The following GRIN2B variants were observed in gnomAD, a reference collection of about 807,000 sequenced individuals.
The protein encoded by GRIN2B is glutamate ionotropic receptor NMDA type subunit 2B.
Under a neutral mutation model 114.5 loss-of-function variants are expected in GRIN2B, and 5 were observed. That is an observed-to-expected ratio of 0.04 (90% CI 0.02 to 0.09). The LOEUF is 0.09. Among genes scored for constraint, GRIN2B ranks in the 10% least tolerant of loss-of-function variants. The probability of loss-of-function intolerance (pLI) is 1.00; values close to 1 mark genes in which losing one functional copy is unlikely to be tolerated. For synonymous variants in GRIN2B, 787 were observed against 745.1 expected, an observed-to-expected ratio of 1.06 and a Z score of -0.92; for missense variants, 1,108 against 1,943.5, an observed-to-expected ratio of 0.57 and a Z score of 8.08.
In GRIN2B at chr12:13,563,677, G is replaced by C. The variant is rs1300574984; in HGVS notation, c.3561C>G (p.His1187Gln). The C allele has an allele frequency of 6.2e-7, 1 of 1,613,542 alleles. No homozygotes were observed. Among genetic ancestry groups the C allele is most frequent in the Admixed American group, 1.7e-5 (1 of 60,030 alleles). Residue 1187 changes from histidine (H) to glutamine (Q), a missense_variant, in exon 14 of 14, where the codon CAC (histidine) becomes CAG (glutamine). Physicochemically the swap from His to Gln is conservative, Grantham distance 24 (BLOSUM62 0). Around this residue, in one of 19 missense-constraint regions of GRIN2B, gnomAD observed 478 missense variants for 506.0 expected, o/e 0.94. Transcript: ENST00000609686. ...SHIKHGTGDKHGVVSGVPAPW... is the reference protein window; with the variant it reads ...SHIKHGTGDKQGVVSGVPAPW... ...GTGCAGGTACCCCGCTGACCACGCCGTGTTTGTCGCCCGTCCCGTGCTTGA... is the reference window on the plus strand; with the variant it reads ...GTGCAGGTACCCCGCTGACCACGCCCTGTTTGTCGCCCGTCCCGTGCTTGA...
rs55893904 is a variant in GRIN2B at position 13,825,496 on chromosome 12, TTGTGTG to T, written c.411+40296_411+40301del. On this transcript the variant is annotated intron_variant, in intron 3 of 13. Transcript: ENST00000609686. ...TATATATAATAAATATATATATATT[TTGTGTG>T]TGTGTGTGTGTGTGTGTGTGTGTGT... 1.5e-4 allele frequency among the ~76,000 whole-genome samples: 18 copies of T among 122,968 alleles called. 1 individual carries two copies. Among genetic ancestry groups the T allele is most frequent in the African/African-American group, 3.4e-4 (11 of 32,094 alleles). 80.7% of individuals were successfully genotyped at this position (122,968 alleles called of 152,430 possible). A position where few individuals can be genotyped will look rare whatever the true frequency, so the allele number is the denominator to read the frequency against.
chr12:13,741,734 G>T (rs905009283), intron 4 of GRIN2B, among the ~76,000 whole-genome samples: 4 of 151,956 alleles, frequency 2.6e-5, no homozygotes, highest in Middle Eastern at 3.2e-3. Context: ...TAATATTTCT[G>T]TATTTTATAA....
intron 4 of GRIN2B, among the ~76,000 whole-genome samples, chr12:13,715,095 G>A (rs146293176): frequency 6.6e-6 from 1 of 151,774 alleles, no homozygotes; most frequent in Non-Finnish European, 1.5e-5. Flanking sequence ...TGGTGGTGGT[G>A]ATAGTTATGA....
Position 13,562,546 on chromosome 12 carries a change from A to C in GRIN2B, c.*237T>G. ...GGGCCCATGGCATCATCTCATGGGA[A>C]CAGGAATGGCTGACAGCGGGGGGAA... On this transcript the variant is annotated 3_prime_UTR_variant, in exon 14 of 14. Coordinates refer to ENST00000609686, the MANE Select transcript of GRIN2B (RefSeq NM_000834.5). The C allele has an allele frequency of 5.5e-6, 3 of 541,276 alleles. No homozygotes were observed. The highest frequency in any genetic ancestry group is 1.0e-5 in the Non-Finnish European group (3 of 300,810). 33.5% of individuals were successfully genotyped at this position (541,276 alleles called of 1,614,324 possible).
chr12:13,553,531 C>T lies in GRIN2B; in HGVS notation c.*9252G>A, dbSNP rs1948442523. 1 of 152,214 alleles carries T rather than the reference C, an allele frequency of 6.6e-6. No homozygotes were observed. Among genetic ancestry groups the T allele is most frequent in the Admixed American group, 6.5e-5 (1 of 15,276 alleles). The allele number at this position is 152,214 out of a possible 1,614,324, so 9.4% of individuals were successfully genotyped here. A position where few individuals can be genotyped will look rare whatever the true frequency, so the allele number is the denominator to read the frequency against. On this transcript the variant is annotated 3_prime_UTR_variant, in exon 14 of 14. Coordinates refer to ENST00000609686, the MANE Select transcript of GRIN2B (RefSeq NM_000834.5). ...TATAAAGACAAGGTGGTGACCAGCA[C>T]AGACAGTTCCCCCAAGGCCACAAAT...
chr12:13,721,732 G>A (rs1354387982), intron 4 of GRIN2B, among the ~76,000 whole-genome samples: 1 of 152,056 alleles, frequency 6.6e-6, no homozygotes, highest in Admixed American at 6.6e-5. Context: ...ATGTGTACCT[G>A]AGAGTCATTA....
chr12:13,860,881 T>C (rs1260276307), intron 3 of GRIN2B, among the ~76,000 whole-genome samples: 1 of 152,136 alleles, frequency 6.6e-6, no homozygotes, highest in Non-Finnish European at 1.5e-5. Flanking sequence ...CCTTTCTATT[T>C]TCCTTCCTAC....
intron 5 of GRIN2B, among the ~76,000 whole-genome samples, chr12:13,658,982 G>T (rs548022059): frequency 6.6e-6 from 1 of 152,150 alleles, no homozygotes; most frequent in Admixed American, 6.5e-5. Flanking sequence ...CCACCCAGAG[G>T]CATGTCCTGT....
At chr12:13,634,560 T>G (rs1949649313) in intron 5 of GRIN2B, among the ~76,000 whole-genome samples, 1 of 152,114 alleles carries the variant, frequency 6.6e-6, no homozygotes, top group African/African-American at 2.4e-5. Flanking sequence ...AGGGGAGGGT[T>G]TTATGGGCTA....
At chr12:13,829,377 A>G (rs909745122) in intron 3 of GRIN2B, among the ~76,000 whole-genome samples, 1 of 152,220 alleles carries the variant, frequency 6.6e-6, no homozygotes. Context: ...TAGGTACTCA[A>G]TATGTGTTGA....
intron 5 of GRIN2B, among the ~76,000 whole-genome samples, chr12:13,665,885 G>A (rs967591732): frequency 2.6e-5 from 4 of 152,142 alleles, no homozygotes; most frequent in Non-Finnish European, 5.9e-5. Flanking sequence ...AGAGAATGCT[G>A]AGGTGCCTTA....
At chr12:13,652,511 C>T (rs1565489453) in intron 5 of GRIN2B, among the ~76,000 whole-genome samples, 1 of 151,810 alleles carries the variant, frequency 6.6e-6, no homozygotes, top group East Asian at 2.0e-4. Flanking sequence ...ATTGGCCCTT[C>T]TAGACAAAGC....
At chr12:13,669,036 TAGGGAGG>T in intron 5 of GRIN2B, among the ~76,000 whole-genome samples, 1 of 144,576 alleles carries the variant, frequency 6.9e-6, no homozygotes, top group South Asian at 2.4e-4. Flanking sequence ...GGTGGGGAGA[TAGGGAGG>T]ATAAGCCATT....
intron 2 of GRIN2B, among the ~76,000 whole-genome samples, chr12:13,921,004 G>A (rs1038772507): frequency 6.6e-5 from 10 of 152,128 alleles, no homozygotes; most frequent in African/African-American, 1.7e-4. Context: ...AGCACAGTAC[G>A]TATTCTTGAG....
rs576555287 is a variant in GRIN2B at position 13,958,850 on chromosome 12, G to A, written c.-19+21078C>T. ...GTCACCCATAAAATATGCCCTTGAA[G>A]TCCCGCCTTGGCTTTGAGAGAGGGG... On this transcript the variant is annotated intron_variant, in intron 2 of 13. Transcript: ENST00000609686. 2.6e-5 allele frequency among the ~76,000 whole-genome samples: 4 copies of A among 152,198 alleles called. No individual in the cohort carries two copies. In the South Asian group the frequency reaches 8.3e-4, roughly 32 times the overall value.
At chr12:13,755,797 G>A (rs994634562) in intron 3 of GRIN2B, among the ~76,000 whole-genome samples, 2 of 152,156 alleles carry the variant, frequency 1.3e-5, no homozygotes, top group African/African-American at 4.8e-5. Flanking sequence ...TAACTCCCAA[G>A]GTGATGGTAT....
intron 2 of GRIN2B, among the ~76,000 whole-genome samples, chr12:13,954,946 A>G (rs2136853765): frequency 6.6e-6 from 1 of 152,148 alleles, no homozygotes; most frequent in Admixed American, 6.5e-5. Context: ...CACAAGGAAT[A>G]GCTTTAGAGA....
chr12:13,962,301 C>T (rs1867709145), intron 2 of GRIN2B, among the ~76,000 whole-genome samples: 1 of 152,122 alleles, frequency 6.6e-6, no homozygotes. Flanking sequence ...CCCCTGATTC[C>T]AGTACCAAAG....
chr12:13,788,950 G>A (rs185759540), intron 3 of GRIN2B, among the ~76,000 whole-genome samples: 249 of 152,258 alleles, frequency 1.6e-3, no homozygotes, highest in African/African-American at 5.7e-3. Flanking sequence ...ACAAAGCTCC[G>A]GCAAATGTCG....
Sources: allele counts gnomAD v4.1 joint callset (sites outside exome capture counted in the v4.1 genomes callset), GRCh38; gene constraint gnomAD v4.1.1; regional missense constraint gnomAD v4.1.1; transcripts MANE v1.5; gene names NCBI Gene and HGNC (gene_info 2026-07-23, HGNC 2026-07-21).